ARID1B: variants seen among roughly 807,000 people sequenced by gnomAD.
The protein encoded by ARID1B is AT-rich interactive domain-containing protein 1B.
A neutral mutation model predicts 212.3 loss-of-function variants in ARID1B; 30 were observed. That is an observed-to-expected ratio of 0.14 (90% CI 0.11 to 0.19). ARID1B has a LOEUF of 0.19. Among genes scored for constraint, ARID1B ranks in the 10% least tolerant of loss-of-function variants. The probability of loss-of-function intolerance (pLI) is 1.00; values close to 1 mark genes in which losing one functional copy is unlikely to be tolerated. For missense variants in ARID1B, 2,891 were observed against 3,204.0 expected, an observed-to-expected ratio of 0.90 and a Z score of 2.36; for synonymous variants, 1,402 against 1,301.7, an observed-to-expected ratio of 1.08 and a Z score of -1.66.
chr6:156,874,452 A>T (rs1467510787), intron 2 of ARID1B, among the ~76,000 whole-genome samples: 1 of 152,166 alleles, frequency 6.6e-6, no homozygotes, highest in Non-Finnish European at 1.5e-5. Context: ...ATGCTGTGGG[A>T]ATCTCTCACC....
chr6:156,844,319 G>C (rs1163914365), intron 2 of ARID1B, among the ~76,000 whole-genome samples: 3 of 152,222 alleles, frequency 2.0e-5, no homozygotes, highest in Admixed American at 6.5e-5. Context: ...CAGGCTTCCA[G>C]AGTGAAGAAA....
chr6:157,029,852 C>T (rs549495764), intron 4 of ARID1B, among the ~76,000 whole-genome samples: 1 of 152,258 alleles, frequency 6.6e-6, no homozygotes, highest in Admixed American at 6.5e-5. Context: ...CTTAATTTTA[C>T]GGTCTTGGAA....
At chr6:157,106,303 A>G (rs1786477087) in intron 5 of ARID1B, among the ~76,000 whole-genome samples, 1 of 152,194 alleles carries the variant, frequency 6.6e-6, no homozygotes. Context: ...CCTGGCAGAG[A>G]GTTCAGGCAC....
At chr6:157,003,764 C>T (rs1299471974) in intron 4 of ARID1B, among the ~76,000 whole-genome samples, 1 of 152,174 alleles carries the variant, frequency 6.6e-6, no homozygotes, top group African/African-American at 2.4e-5. Flanking sequence ...TCATAGCTTG[C>T]TGTAGCCTCG....
At chr6:156,912,332 C>A (rs541597333) in intron 3 of ARID1B, among the ~76,000 whole-genome samples, 1 of 150,654 alleles carries the variant, frequency 6.6e-6, no homozygotes, top group African/African-American at 2.4e-5. Context: ...ACTAAAATTC[C>A]AAGCCCATCA....
intron 4 of ARID1B, chr6:156,941,295 C>T (rs190402463): frequency 6.6e-6 from 1 of 152,296 alleles, no homozygotes; most frequent in East Asian, 1.9e-4. Flanking sequence ...GGATGGTGCC[C>T]TGTCCCCCAG....
chr6:157,080,484 C>CT (rs986855555), intron 4 of ARID1B, among the ~76,000 whole-genome samples: 1 of 152,150 alleles, frequency 6.6e-6, no homozygotes, highest in African/African-American at 2.4e-5. Flanking sequence ...ATGAGAGAGT[C>CT]TTTATACTTA....
intron 4 of ARID1B, among the ~76,000 whole-genome samples, chr6:157,059,037 A>G (rs1783160901): frequency 6.6e-6 from 1 of 152,096 alleles, no homozygotes; most frequent in African/African-American, 2.4e-5. Context: ...GTTATAGCCA[A>G]AGGTACTTCA....
intron 4 of ARID1B, among the ~76,000 whole-genome samples, chr6:157,007,525 C>G (rs925668132): frequency 1.1e-4 from 16 of 152,122 alleles, no homozygotes; most frequent in Admixed American, 9.8e-4. Context: ...GCTTCTGTTA[C>G]AGATTTGCAC....
At chr6:157,144,578 G>A (rs1789588955) in intron 7 of ARID1B, among the ~76,000 whole-genome samples, 2 of 152,290 alleles carry the variant, frequency 1.3e-5, no homozygotes, top group African/African-American at 2.4e-5. Flanking sequence ...AGATCATCTG[G>A]AAGCGAAGGG....
At chr6:157,122,881 C>T (rs1375914231) in intron 6 of ARID1B, among the ~76,000 whole-genome samples, 1 of 152,028 alleles carries the variant, frequency 6.6e-6, no homozygotes, top group Non-Finnish European at 1.5e-5. Flanking sequence ...CGGGTTTCAC[C>T]ATGTTGGCCA....
In ARID1B at chr6:157,007,734, T is replaced by TG. The variant is rs965329067; in HGVS notation, c.2247+72158_2247+72159insG. ...TAAGGAAGCCCTAAGTTGTTTTTTT[T>TG]TTTTTTTTTCCCCAAGACAGAGTCT... is the stretch of plus-strand genomic sequence containing the variant. On this transcript the variant is annotated intron_variant, in intron 4 of 19. Coordinates refer to ENST00000636930, the MANE Select transcript of ARID1B (RefSeq NM_001374828.1). Among the ~76,000 whole-genome samples the TG allele has an allele frequency of 1.8e-4, 26 of 141,544 alleles. 1 individual carries two copies. Among genetic ancestry groups the TG allele is most frequent in the Non-Finnish European group, 3.2e-5 (2 of 63,410 alleles). 92.9% of individuals were successfully genotyped at this position (141,544 alleles called of 152,430 possible). A position where few individuals can be genotyped will look rare whatever the true frequency, so the allele number is the denominator to read the frequency against.
At chr6:157,079,335 A>G (rs540159787) in intron 4 of ARID1B, among the ~76,000 whole-genome samples, 2 of 152,342 alleles carry the variant, frequency 1.3e-5, no homozygotes, top group South Asian at 2.1e-4. Context: ...CATAAACACT[A>G]TTACAACACA....
chr6:156,879,182 T>C (rs1435119760), intron 2 of ARID1B, among the ~76,000 whole-genome samples: 1 of 152,208 alleles, frequency 6.6e-6, no homozygotes, highest in Non-Finnish European at 1.5e-5. Context: ...AGGACTGAGA[T>C]GTGTACTAGG....
Position 156,779,406 on chromosome 6 carries a change from G to T in ARID1B, c.1726G>T (p.Ala576Ser), listed in dbSNP as rs2115004823. The T allele has an allele frequency of 6.9e-7, 1 of 1,447,868 alleles. No homozygotes were observed. Among genetic ancestry groups the T allele is most frequent in the South Asian group, 1.3e-5 (1 of 77,522 alleles). The allele number at this position is 1,447,868 out of a possible 1,614,324, so 89.7% of individuals were successfully genotyped here. Residue 576 changes from alanine to serine, a missense_variant, in exon 1 of 20, where the codon GCG becomes TCG. Ala to Ser is a moderately conservative substitution (Grantham distance 99, BLOSUM62 1). Coordinates refer to ENST00000636930, the MANE Select transcript of ARID1B (RefSeq NM_001374828.1). ...YAAASPAWAA[A>S]QQRSHPAMSP... ...CGCTGCCAGCCCGGCCTGGGCGGCC[G>T]CGCAACAAAGGAGTCACCCGGCGAT...
intron 6 of ARID1B, among the ~76,000 whole-genome samples, chr6:157,131,667 G>A (rs1788557005): frequency 6.6e-6 from 1 of 152,146 alleles, no homozygotes; most frequent in Non-Finnish European, 1.5e-5. Context: ...TCTAGCGCCA[G>A]TGGGAAGCCT....
intron 4 of ARID1B, among the ~76,000 whole-genome samples, chr6:156,954,562 A>G (rs1793818200): frequency 6.6e-6 from 1 of 152,186 alleles, no homozygotes; most frequent in African/African-American, 2.4e-5. Flanking sequence ...CATCATTTTT[A>G]ATGTCTTGTG....
At chr6:157,158,650 TC>T (rs1790719212) in intron 8 of ARID1B, among the ~76,000 whole-genome samples, 1 of 152,152 alleles carries the variant, frequency 6.6e-6, no homozygotes, top group Non-Finnish European at 1.5e-5. Context: ...AGAGACCTGC[TC>T]CCTCCACTCT....
intron 6 of ARID1B, among the ~76,000 whole-genome samples, chr6:157,119,896 C>T (rs1787585329): frequency 6.6e-6 from 1 of 152,212 alleles, no homozygotes; most frequent in South Asian, 2.1e-4. Flanking sequence ...ACTTTGGAAT[C>T]AGAAGATCTG....
Sources: gnomAD v4.1 joint callset for allele counts (sites outside exome capture counted in the v4.1 genomes callset) on GRCh38, gnomAD v4.1.1 for gene constraint, MANE v1.5 for transcripts, NCBI Gene and HGNC (gene_info 2026-07-23, HGNC 2026-07-21) for gene names.